Variants in WNT4 observed in about 807,000 individuals in gnomAD.
WNT4 encodes protein Wnt-4.
In WNT4, 16 loss-of-function variants were observed where a neutral mutation model predicts 34.5. The ratio of observed to expected loss-of-function variants is 0.46; its 90% CI spans 0.31 to 0.70. The LOEUF is 0.70. WNT4 is among the 30% of genes least tolerant of loss of function. The pLI, the probability that WNT4 is intolerant of heterozygous loss-of-function variation, is 0.04. For synonymous variants in WNT4, 200 were observed against 211.9 expected (o/e 0.94, Z 0.49); for missense variants, 379 against 495.9 (o/e 0.76, Z 2.24).
chr1:22,132,446 G>T (rs1645991481), intron 1 of WNT4, among the ~76,000 whole-genome samples: 2 of 152,204 alleles, frequency 1.3e-5, no homozygotes, highest in Admixed American at 1.3e-4. Flanking sequence ...GTCTCCTTAT[G>T]GGTACAGTAA....
At chr1:22,136,885 C>T (rs189697237) in intron 1 of WNT4, among the ~76,000 whole-genome samples, 1 of 152,304 alleles carries the variant, frequency 6.6e-6, no homozygotes. Context: ...CAGCTGGGCA[C>T]CCGACTCAGG....
rs1212840859 is a variant in WNT4 at position 22,139,521 on chromosome 1, C to T, written c.77+3325G>A. Among the ~76,000 whole-genome samples the T allele has an allele frequency of 6.6e-6, 1 of 152,184 alleles. No homozygotes were observed. Among genetic ancestry groups the T allele is most frequent in the Non-Finnish European group, 1.5e-5 (1 of 68,026 alleles). On this transcript the variant is annotated intron_variant, in intron 1 of 4. Coordinates refer to ENST00000290167, the MANE Select transcript of WNT4 (RefSeq NM_030761.5). This position sits in a 1 kb window ranked among gnomAD's most constrained non-coding sequence, Gnocchi z 4.6. ...TCTGAGTGCAGCGTGGTCCCCCTCCCCTCACCCGTGGGATTCTGCTAGAAC... is the reference window on the plus strand; with the variant it reads ...TCTGAGTGCAGCGTGGTCCCCCTCCTCTCACCCGTGGGATTCTGCTAGAAC...
At chr1:22,120,587 C>G in intron 4 of WNT4, 70 bp from the exon 5 acceptor site, 1 of 1,493,984 alleles carries the variant, frequency 6.7e-7, no homozygotes, top group Non-Finnish European at 9.1e-7. Context: ...GCCGCGGAGG[C>G]TGACAGCCGA....
intron 2 of WNT4, among the ~76,000 whole-genome samples, chr1:22,123,353 G>C (rs1570092912): frequency 6.6e-6 from 1 of 152,268 alleles, no homozygotes; most frequent in East Asian, 1.9e-4. Context: ...GTTGCTCAGA[G>C]AGACCTCTGC....
intron 2 of WNT4, among the ~76,000 whole-genome samples, chr1:22,122,065 C>T (rs1311730988): frequency 6.6e-6 from 1 of 152,214 alleles, no homozygotes; most frequent in Non-Finnish European, 1.5e-5. Context: ...AAACTCAGGT[C>T]TGGCCTGTTC....
intron 2 of WNT4, among the ~76,000 whole-genome samples, chr1:22,121,793 A>G (rs1482248536): frequency 1.3e-5 from 2 of 152,200 alleles, no homozygotes; most frequent in African/African-American, 4.8e-5. Flanking sequence ...GGGCTTTTCA[A>G]ACGTGCAGAT....
chr1:22,121,383 C>A (rs556211257), intron 3 of WNT4, 30 bp from the exon 4 acceptor site: 17 of 1,613,802 alleles, frequency 1.1e-5, no homozygotes, highest in Non-Finnish European at 1.4e-5. Context: ...GAAAGGGCTG[C>A]GGTGAGTGAG....
At position 22,120,205 on chromosome 1, in the gene WNT4, T is replaced by G. The variant is rs1015644940; in HGVS notation, c.901A>C (p.Lys301Gln). 1 of 1,614,000 alleles carries G rather than the reference T, an allele frequency of 6.2e-7. No individual in the cohort carries two copies. Among genetic ancestry groups the G allele is most frequent in the Non-Finnish European group, 8.5e-7 (1 of 1,179,996 alleles). ...AGCAGCTCACAGCCGTCGATGGCCTTGGACGTCTTGTTGCATGTGCGGCCC... is the reference window on the plus strand; with the variant it reads ...AGCAGCTCACAGCCGTCGATGGCCTGGGACGTCTTGTTGCATGTGCGGCCC... ...TRGRTCNKTS[K>Q]AIDGCELLCC... is the part of the protein sequence containing the mutation. Residue 301 changes from lysine (K) to glutamine (Q), a missense_variant, in exon 5 of 5, where the codon AAG becomes CAG. Coordinates refer to ENST00000290167, the MANE Select transcript of WNT4 (RefSeq NM_030761.5).
intron 1 of WNT4, among the ~76,000 whole-genome samples, chr1:22,133,354 C>T (rs1486919164): frequency 6.6e-6 from 1 of 152,126 alleles, no homozygotes; most frequent in Non-Finnish European, 1.5e-5. Flanking sequence ...GTCTTTTGAT[C>T]TGCTGAGAGC....
In WNT4 at chr1:22,120,620, C is replaced by T. The variant is rs531041643; in HGVS notation, c.589-103G>A. 111 of 1,206,766 alleles carry T rather than the reference C, an allele frequency of 9.2e-5. 2 individuals are homozygous for T. In the East Asian group the frequency reaches 1.8e-3, roughly 20 times the overall value. 74.8% of individuals were successfully genotyped at this position (1,206,766 alleles called of 1,614,324 possible). On this transcript the variant is annotated intron_variant, in intron 4 of 4. Coordinates refer to ENST00000290167, the MANE Select transcript of WNT4 (RefSeq NM_030761.5). ...CGAGCATCGGGGTCCCTGGGGCTGA[C>T]GCTGCAGTCAGATTTGCCGTTGTGC...
In WNT4 at chr1:22,120,244, C is replaced by T. The variant is rs533186105; in HGVS notation, c.862G>A (p.Val288Met). The T allele has an allele frequency of 4.8e-5, 78 of 1,614,162 alleles. 1 individual carries two copies. Among genetic ancestry groups the T allele is most frequent in the East Asian group, 2.2e-4 (10 of 44,890 alleles). Reference sequence around the variant, plus strand: ...CATGTGCGGCCCCTCGTGCCCAGCACGCCGCTGCGCATGTCCTGCTCACAG... The same window carrying T: ...CATGTGCGGCCCCTCGTGCCCAGCATGCCGCTGCGCATGTCCTGCTCACAG... ...DFCEQDMRSGVLGTRGRTCNK... is the reference protein window; with the variant it reads ...DFCEQDMRSGMLGTRGRTCNK... The change falls in exon 5 of 5, where the codon GTG (valine) becomes ATG (methionine). Residue 288 changes from valine (V) to methionine (M), a missense_variant. Transcript: ENST00000290167.
intron 2 of WNT4, among the ~76,000 whole-genome samples, chr1:22,128,163 C>T (rs1318418799): frequency 6.6e-6 from 1 of 152,168 alleles, no homozygotes; most frequent in Non-Finnish European, 1.5e-5. Context: ...CCTTTTTGGC[C>T]CCTGCCAGCT....
At chr1:22,135,494 T>A (rs372808462) in intron 1 of WNT4, among the ~76,000 whole-genome samples, 35 of 152,306 alleles carry the variant, frequency 2.3e-4, no homozygotes, top group African/African-American at 7.9e-4. Context: ...GGCCTGATTC[T>A]TCCCTTGATG....
rs200600921 is a variant in WNT4 at position 22,121,441 on chromosome 1, C to G, written c.445+4G>C. On this transcript the variant is annotated splice_donor_region_variant and intron_variant, in intron 3 of 4. Transcript: ENST00000290167. The stretch of plus-strand genomic sequence containing the variant: ...CTCCCACTCTGACCACCTCCTGCAC[C>G]TACCCTGTGGGCTGACCCCATGCAC... 2.5e-6 allele frequency: 4 copies of G among 1,613,986 alleles called. No homozygotes were observed. Among genetic ancestry groups the G allele is most frequent in the East Asian group, 4.5e-5 (2 of 44,880 alleles).
chr1:22,124,481 A>C (rs1645926232), intron 2 of WNT4, among the ~76,000 whole-genome samples: 1 of 152,118 alleles, frequency 6.6e-6, no homozygotes, highest in South Asian at 2.1e-4. Context: ...TGGGGCTGGG[A>C]ATTCAGTTAA....
chr1:22,140,067 T>C lies in WNT4; in HGVS notation c.77+2779A>G. On this transcript the variant is annotated intron_variant, in intron 1 of 4. Coordinates refer to ENST00000290167, the MANE Select transcript of WNT4 (RefSeq NM_030761.5). This position sits in a 1 kb window ranked among gnomAD's most constrained non-coding sequence, Gnocchi z 5.9. ...CCTGCCCTTCTGAGACAACAGATAG[T>C]CCTGGCTCTCGCCACTGGCCAGCAG... The C allele has an allele frequency of 1.8e-6, 1 of 564,472 alleles. No homozygotes were observed. Among genetic ancestry groups the C allele is most frequent in the Non-Finnish European group, 2.2e-6 (1 of 445,080 alleles). 35.0% of individuals were successfully genotyped at this position (564,472 alleles called of 1,614,324 possible).
chr1:22,128,715 C>CA (rs1427689295), intron 2 of WNT4, among the ~76,000 whole-genome samples: 9 of 151,052 alleles, frequency 6.0e-5, no homozygotes, highest in African/African-American at 2.2e-4. Flanking sequence ...CCACTTTCTA[C>CA]TTTTTTTTTC....
intron 1 of WNT4, among the ~76,000 whole-genome samples, chr1:22,141,125 G>C (rs921130784): frequency 2.6e-5 from 4 of 152,194 alleles, no homozygotes; most frequent in African/African-American, 9.7e-5. Flanking sequence ...TCTGAGTTTG[G>C]GCAAGTAGCT....
intron 1 of WNT4, among the ~76,000 whole-genome samples, chr1:22,136,309 C>T (rs184672513): frequency 6.6e-6 from 1 of 152,180 alleles, no homozygotes; most frequent in Middle Eastern, 3.2e-3. Context: ...TCTTCCTTTG[C>T]TAGACCCATC....
Sources: gnomAD v4.1 joint callset for allele counts (sites outside exome capture counted in the v4.1 genomes callset) on GRCh38, gnomAD v4.1.1 for gene constraint, Gnocchi (gnomAD v3.1) non-coding constraint, MANE v1.5 for transcripts, NCBI Gene and HGNC (gene_info 2026-07-23, HGNC 2026-07-21) for gene names.